The following SARDH variants were observed in gnomAD, a reference collection of about 807,000 sequenced individuals.
SARDH encodes sarcosine dehydrogenase, mitochondrial.
SARDH carries 95 observed loss-of-function variants against 109.1 expected under a neutral mutation model. That is an observed-to-expected ratio of 0.87 (90% CI 0.74 to 1.03). The LOEUF (loss-of-function observed/expected upper bound fraction) is 1.03, where lower values mean the gene tolerates loss of function less well. SARDH is among the 50% of genes least tolerant of loss of function. SARDH has a pLI of 0.00. For synonymous variants in SARDH, 572 were observed against 534.8 expected (o/e 1.07, Z -0.96); for missense variants, 1,267 against 1,287.8 (o/e 0.98, Z 0.25).
In SARDH at chr9:133,692,556, C is replaced by A. The variant is rs1025805677; in HGVS notation, c.1921+1702G>T. 6.6e-6 allele frequency among the ~76,000 whole-genome samples: 1 copy of A among 152,186 alleles called. No individual in the cohort carries two copies. Among genetic ancestry groups the A allele is most frequent in the African/African-American group, 2.4e-5 (1 of 41,438 alleles). The stretch of plus-strand genomic sequence containing the variant: ...CTCTCCTCCAGGAAGCCTTGCTCAT[C>A]CCGGCTCGGCGGCTTCACATGGCCT... On this transcript the variant is annotated intron_variant, in intron 15 of 20. Coordinates refer to ENST00000439388, the MANE Select transcript of SARDH (RefSeq NM_001134707.2). The surrounding 1 kb of genome is among the most constrained non-coding windows in gnomAD (Gnocchi z 5.0).
chr9:133,716,703 G>A (rs748945871), intron 8 of SARDH, among the ~76,000 whole-genome samples: 1 of 152,240 alleles, frequency 6.6e-6, no homozygotes, highest in Admixed American at 6.5e-5. Context: ...GCCTCTTCCA[G>A]CTAAGTTCTC....
At chr9:133,673,805 T>C (rs191444091) in intron 17 of SARDH, among the ~76,000 whole-genome samples, 89 of 152,288 alleles carry the variant, frequency 5.8e-4, no homozygotes, top group Middle Eastern at 3.4e-3. Flanking sequence ...ATTTTTAAAG[T>C]GCACCTATGC....
chr9:133,664,468 C>G (rs540958301), intron 20 of SARDH, among the ~76,000 whole-genome samples: 1 of 152,324 alleles, frequency 6.6e-6, no homozygotes, highest in South Asian at 2.1e-4. Context: ...CATCCCACAC[C>G]CTGGCTCGGG....
chr9:133,695,550 C>T (rs1831254093), intron 14 of SARDH, among the ~76,000 whole-genome samples: 1 of 152,210 alleles, frequency 6.6e-6, no homozygotes, highest in Admixed American at 6.5e-5. Flanking sequence ...TCCCGGCCAC[C>T]ACCAGCAGCT....
intron 13 of SARDH, among the ~76,000 whole-genome samples, chr9:133,701,150 C>T (rs1831469906): frequency 6.6e-6 from 1 of 152,208 alleles, no homozygotes; most frequent in Non-Finnish European, 1.5e-5. Flanking sequence ...CAGATCCCTG[C>T]CCAGCTCCAC....
intron 6 of SARDH, among the ~76,000 whole-genome samples, chr9:133,725,164 C>T (rs1410555218): frequency 6.6e-6 from 1 of 152,136 alleles, no homozygotes; most frequent in Non-Finnish European, 1.5e-5. Flanking sequence ...TAGGAAACTC[C>T]ATCGAGGCAG....
At chr9:133,733,369 G>A (rs187763333) in intron 2 of SARDH, among the ~76,000 whole-genome samples, 4 of 152,346 alleles carry the variant, frequency 2.6e-5, no homozygotes, top group Admixed American at 2.6e-4. Context: ...CAGAAGGTTG[G>A]CTGTCCTGGG....
At chr9:133,689,788 C>T (rs1461976705) in intron 16 of SARDH, among the ~76,000 whole-genome samples, 2 of 152,136 alleles carry the variant, frequency 1.3e-5, no homozygotes, top group African/African-American at 4.8e-5. Context: ...GGGGTCTTTC[C>T]AAGGTGCACA....
At chr9:133,677,132 C>T (rs1379192641) in intron 17 of SARDH, among the ~76,000 whole-genome samples, 2 of 152,054 alleles carry the variant, frequency 1.3e-5, no homozygotes, top group Non-Finnish European at 2.9e-5. Flanking sequence ...GAGTGAGACT[C>T]CATCGCAAAT....
At chr9:133,662,199 C>G (rs1829907531), downstream of SARDH, among the ~76,000 whole-genome samples, 1 of 152,134 alleles carries the variant, frequency 6.6e-6, no homozygotes, top group South Asian at 2.1e-4. This position sits in a 1 kb window ranked among gnomAD's most constrained non-coding sequence, Gnocchi z 5.1. Context: ...GCCAGGTTCT[C>G]TCTCCTCGGG....
Position 133,709,742 on chromosome 9 carries a change from CCT to C in SARDH, c.1329-1316_1329-1315del, listed in dbSNP as rs1417899090. The stretch of plus-strand genomic sequence containing the variant: ...CTGAGTGCTGCTGTGGGAGGAAATC[CCT>C]CTCTCTTTGTCCCCAGAGCTGCCTT... On this transcript the variant is annotated intron_variant, in intron 10 of 20. Coordinates refer to ENST00000439388, the MANE Select transcript of SARDH (RefSeq NM_001134707.2). This position sits in a 1 kb window ranked among gnomAD's most constrained non-coding sequence, Gnocchi z 4.2. Among the ~76,000 whole-genome samples the C allele has an allele frequency of 2.0e-5, 3 of 152,132 alleles. No individual in the cohort carries two copies. Among genetic ancestry groups the C allele is most frequent in the African/African-American group, 7.2e-5 (3 of 41,418 alleles).
chr9:133,665,578 A>ACACATTTTT, intron 20 of SARDH, among the ~76,000 whole-genome samples: 1 of 152,228 alleles, frequency 6.6e-6, no homozygotes, highest in East Asian at 1.9e-4. Context: ...AAAGCAAGTA[A>ACACATTTTT]AAGGCAGATC....
chr9:133,677,452 G>A (rs561402294), intron 17 of SARDH, among the ~76,000 whole-genome samples: 4 of 152,162 alleles, frequency 2.6e-5, no homozygotes, highest in African/African-American at 9.7e-5. Flanking sequence ...GGCCAGGTGG[G>A]GGTCAAGCTG....
chr9:133,704,854 G>A lies in SARDH; in HGVS notation c.1554+94C>T. ...ACAGTGGAACCACCTGGGGAGGCGGGGCACACGGAGGGGCAAGGACGGGGC... is the reference window on the plus strand; with the variant it reads ...ACAGTGGAACCACCTGGGGAGGCGGAGCACACGGAGGGGCAAGGACGGGGC... On this transcript the variant is annotated intron_variant, in intron 12 of 20. Transcript: ENST00000439388. This position sits in a 1 kb window ranked among gnomAD's most constrained non-coding sequence, Gnocchi z 4.5. The A allele has an allele frequency of 9.3e-7, 1 of 1,077,536 alleles. No individual in the cohort carries two copies. Among genetic ancestry groups the A allele is most frequent in the Non-Finnish European group, 1.4e-6 (1 of 726,288 alleles). 66.7% of individuals were successfully genotyped at this position (1,077,536 alleles called of 1,614,324 possible).
At position 133,704,920 on chromosome 9, in the gene SARDH, G is replaced by A. The variant is rs780383744; in HGVS notation, c.1554+28C>T. The A allele has an allele frequency of 4.5e-6, 7 of 1,554,816 alleles. No individual in the cohort carries two copies. The East Asian group carries it at 1.4e-4, about 31-fold the overall frequency. On this transcript the variant is annotated intron_variant, in intron 12 of 20. Transcript: ENST00000439388. The surrounding 1 kb of genome is among the most constrained non-coding windows in gnomAD (Gnocchi z 4.5). ...GGGGTTGTCAGGGCAGGGCCTCCCA[G>A]CAGCACAGCCCAGCAGGCACTACTC...
At chr9:133,691,738 T>C (rs116725239) in intron 15 of SARDH, among the ~76,000 whole-genome samples, 1 of 152,308 alleles carries the variant, frequency 6.6e-6, no homozygotes, top group African/African-American at 2.4e-5. Context: ...GTAGCGCACG[T>C]ATTCAACACG....
chr9:133,696,026 G>A (rs1831274077), intron 14 of SARDH, among the ~76,000 whole-genome samples, 197 bp downstream of exon 14: 1 of 150,534 alleles, frequency 6.6e-6, no homozygotes, highest in Non-Finnish European at 1.5e-5. Context: ...AGGGAGAGGT[G>A]GAGGAAAGTA....
At chr9:133,696,153 G>A in intron 14 of SARDH, 70 bp downstream of exon 14, 2 of 1,587,826 alleles carry the variant, frequency 1.3e-6, no homozygotes, top group Non-Finnish European at 1.7e-6. Flanking sequence ...TGGCTTGCCA[G>A]CTCATCTCAG....
Position 133,702,961 on chromosome 9 carries a change from C to A in SARDH, c.1623G>T (p.Leu541=). ...RAHEDYAYRR[L]LADEYTFAFP... The stretch of plus-strand genomic sequence containing the variant: ...AGGCGAAGGTGTACTCGTCTGCCAG[C>A]AGCCTGCGGTAGGCGTAGTCCTCGT... The change falls in exon 13 of 21, where the codon CTG becomes CTT. Residue 541 remains leucine (L), a synonymous_variant. Coordinates refer to ENST00000439388, the MANE Select transcript of SARDH (RefSeq NM_001134707.2). The A allele has an allele frequency of 1.2e-6, 2 of 1,613,312 alleles. No individual in the cohort carries two copies. The highest frequency in any genetic ancestry group is 1.7e-6 in the Non-Finnish European group (2 of 1,179,990).
Sources: gnomAD v4.1 joint callset for allele counts (sites outside exome capture counted in the v4.1 genomes callset) on GRCh38, gnomAD v4.1.1 for gene constraint, Gnocchi (gnomAD v3.1) non-coding constraint, MANE v1.5 for transcripts, NCBI Gene and HGNC (gene_info 2026-07-23, HGNC 2026-07-21) for gene names.